The following ASTN2 variants were observed in gnomAD, a reference collection of about 807,000 sequenced individuals.
ASTN2 encodes astrotactin-2.
A neutral mutation model predicts 139.8 loss-of-function variants in ASTN2; 54 were observed. That is an observed-to-expected ratio of 0.39 (90% CI 0.31 to 0.48). The LOEUF (loss-of-function observed/expected upper bound fraction) is 0.48, where lower values mean the gene tolerates loss of function less well. Among genes scored for constraint, ASTN2 ranks in the 20% least tolerant of loss-of-function variants. The pLI is 0.95. For missense variants in ASTN2, 1,565 were observed against 1,725.1 expected (o/e 0.91, Z 1.64); for synonymous variants, 756 against 719.5 (o/e 1.05, Z -0.81).
At chr9:116,564,333 T>C (rs942845264) in intron 19 of ASTN2, among the ~76,000 whole-genome samples, 2 of 152,154 alleles carry the variant, frequency 1.3e-5, no homozygotes, top group Non-Finnish European at 2.9e-5. Flanking sequence ...GATGGATAAA[T>C]GATGGCATGG....
intron 6 of ASTN2, among the ~76,000 whole-genome samples, chr9:117,024,090 CA>C (rs1227431603): frequency 1.3e-5 from 2 of 152,226 alleles, no homozygotes; most frequent in East Asian, 3.9e-4. Flanking sequence ...ATCCCATCCT[CA>C]AACGAGTTCT....
intron 19 of ASTN2, 33 bp from the exon 20 acceptor site, chr9:116,487,533 G>A: frequency 6.2e-7 from 1 of 1,606,166 alleles, no homozygotes. Flanking sequence ...GAGCTCCCCA[G>A]CTCAGGCCAT....
intron 1 of ASTN2, among the ~76,000 whole-genome samples, chr9:117,343,075 C>T (rs1829109801): frequency 6.6e-6 from 1 of 152,182 alleles, no homozygotes; most frequent in Non-Finnish European, 1.5e-5. Flanking sequence ...TAGGAAGAGT[C>T]AGAAGTCTAA....
At chr9:117,387,372 C>A (rs1196880351) in intron 1 of ASTN2, among the ~76,000 whole-genome samples, 1 of 152,058 alleles carries the variant, frequency 6.6e-6, no homozygotes, top group Non-Finnish European at 1.5e-5. Context: ...TAATTAAAAT[C>A]TGTGATTAAG....
intron 11 of ASTN2, among the ~76,000 whole-genome samples, chr9:116,827,037 T>C (rs1050795871): frequency 6.7e-6 from 1 of 149,948 alleles, no homozygotes; most frequent in Non-Finnish European, 1.5e-5. Context: ...TGGCTGGGAG[T>C]GGTGGCTCAT....
chr9:116,883,331 CAGATATTTTAAGGA>C (rs1333390205), intron 10 of ASTN2, among the ~76,000 whole-genome samples: 2 of 152,090 alleles, frequency 1.3e-5, no homozygotes, highest in African/African-American at 4.8e-5. Flanking sequence ...AATCCAAAAA[CAGATATTTTAAGGA>C]AGAGGTAGCA....
chr9:116,995,292 G>C (rs548685022), intron 7 of ASTN2, among the ~76,000 whole-genome samples: 3 of 152,168 alleles, frequency 2.0e-5, no homozygotes, highest in Admixed American at 1.3e-4. Flanking sequence ...GAGTACTCAG[G>C]GAAAATCTAA....
intron 19 of ASTN2, among the ~76,000 whole-genome samples, chr9:116,601,716 G>C (rs977911076): frequency 1.3e-5 from 2 of 152,202 alleles, no homozygotes; most frequent in Non-Finnish European, 1.5e-5. Flanking sequence ...CAATTGGAAA[G>C]GAGCAAACTT....
chr9:116,428,343 C>T (rs1020312713), intron 22 of ASTN2, among the ~76,000 whole-genome samples: 8 of 152,056 alleles, frequency 5.3e-5, no homozygotes, highest in Non-Finnish European at 8.8e-5. Flanking sequence ...GGCCAACATA[C>T]TGAAACCCTG....
chr9:116,485,821 C>T (rs1849321181), intron 20 of ASTN2, among the ~76,000 whole-genome samples: 1 of 152,188 alleles, frequency 6.6e-6, no homozygotes, highest in African/African-American at 2.4e-5. Flanking sequence ...ACTCAATTGC[C>T]AGCTTTTGGT....
intron 1 of ASTN2, among the ~76,000 whole-genome samples, chr9:117,409,920 C>T (rs114621015): frequency 1.8e-3 from 269 of 152,280 alleles, no homozygotes; most frequent in African/African-American, 6.2e-3. Flanking sequence ...CATTTCAAAC[C>T]GTATCTTCCT....
chr9:116,486,699 T>C (rs778433286), intron 20 of ASTN2, among the ~76,000 whole-genome samples: 5 of 152,188 alleles, frequency 3.3e-5, no homozygotes, highest in Non-Finnish European at 7.3e-5. Context: ...CATCTAGATC[T>C]AAAAACAACA....
intron 3 of ASTN2, among the ~76,000 whole-genome samples, chr9:117,175,300 C>A (rs1830889950): frequency 6.6e-6 from 1 of 152,010 alleles, no homozygotes; most frequent in Admixed American, 6.6e-5. Context: ...CTATTCATAG[C>A]CATACAAGAA....
chr9:117,017,248 ATTCT>A (rs956556222), intron 6 of ASTN2, among the ~76,000 whole-genome samples: 3 of 151,748 alleles, frequency 2.0e-5, no homozygotes, highest in Non-Finnish European at 2.9e-5. Context: ...TTTTAATTTA[ATTCT>A]TTCTTTATTT....
intron 22 of ASTN2, among the ~76,000 whole-genome samples, chr9:116,433,203 TTAA>T (rs1211941733): frequency 6.6e-6 from 1 of 152,162 alleles, no homozygotes; most frequent in Non-Finnish European, 1.5e-5. Flanking sequence ...CACAACCAGA[TTAA>T]TGAGTGATAC....
At chr9:116,551,177 A>AT (rs1201059923) in intron 19 of ASTN2, 2 of 152,168 alleles carry the variant, frequency 1.3e-5, no homozygotes, top group African/African-American at 4.8e-5. Context: ...TGGTTCAGTC[A>AT]TTTTGGGGCC....
intron 1 of ASTN2, among the ~76,000 whole-genome samples, chr9:117,323,317 C>A (rs1449322997): frequency 6.6e-6 from 1 of 151,684 alleles, no homozygotes; most frequent in African/African-American, 2.4e-5. Context: ...TATAAACTGG[C>A]ATTCCAGGCA....
At chr9:116,978,802 T>A (rs975011318) in intron 7 of ASTN2, among the ~76,000 whole-genome samples, 1 of 142,794 alleles carries the variant, frequency 7.0e-6, no homozygotes, top group African/African-American at 2.6e-5. Context: ...AAAAAAAAAA[T>A]CTCCTCTCAT....
chr9:116,478,570 T>TCA (rs1234988143), intron 20 of ASTN2, among the ~76,000 whole-genome samples: 1 of 152,038 alleles, frequency 6.6e-6, no homozygotes, highest in Non-Finnish European at 1.5e-5. Context: ...GCAGGTTGGG[T>TCA]CACTGATGCT....
Sources: gnomAD v4.1 joint callset for allele counts (sites outside exome capture counted in the v4.1 genomes callset) on GRCh38, gnomAD v4.1.1 for gene constraint, MANE v1.5 for transcripts, NCBI Gene and HGNC (gene_info 2026-07-23, HGNC 2026-07-21) for gene names.